The following STAT5B variants were observed in gnomAD, a reference collection of about 807,000 sequenced individuals.
STAT5B encodes transcription factor STAT5B.
Under a neutral mutation model 107.8 loss-of-function variants are expected in STAT5B, and 21 were observed. That is an observed-to-expected ratio of 0.19 (90% CI 0.14 to 0.28). STAT5B has a LOEUF of 0.28. STAT5B is among the 10% of genes least tolerant of loss of function. The pLI, the probability that STAT5B is intolerant of heterozygous loss-of-function variation, is 1.00. For synonymous variants in STAT5B, 325 were observed against 401.7 expected (o/e 0.81, Z 2.28); for missense variants, 565 against 1,008.2 (o/e 0.56, Z 5.95).
intron 1 of STAT5B, among the ~76,000 whole-genome samples, chr17:42,261,425 C>G (rs1435817563): frequency 6.6e-6 from 1 of 152,130 alleles, no homozygotes; most frequent in Non-Finnish European, 1.5e-5. Context: ...TTTAAAAGCA[C>G]TAAAAAGTAC....
chr17:42,218,119 T>C (rs1265276154), intron 9 of STAT5B, 32 bp downstream of exon 9: 7 of 1,607,698 alleles, frequency 4.4e-6, no homozygotes, highest in Non-Finnish European at 4.2e-6. Context: ...ATGAGACAAG[T>C]AGCAGGGAAT....
intron 5 of STAT5B, among the ~76,000 whole-genome samples, chr17:42,220,497 T>G (rs2080215942): frequency 6.6e-6 from 1 of 152,130 alleles, no homozygotes; most frequent in African/African-American, 2.4e-5. Context: ...CGGCTCTGTC[T>G]AGTCCCTGAG....
intron 1 of STAT5B, among the ~76,000 whole-genome samples, chr17:42,263,868 C>CGT (rs1175743947): frequency 1.1e-4 from 8 of 74,908 alleles, no homozygotes; most frequent in African/African-American, 3.5e-4. Context: ...TACTAGAAAG[C>CGT]GCGCACACAC....
intron 1 of STAT5B, among the ~76,000 whole-genome samples, chr17:42,237,002 CAG>C (rs1317787369): frequency 6.6e-6 from 1 of 152,180 alleles, no homozygotes; most frequent in Non-Finnish European, 1.5e-5. Flanking sequence ...TAAATCATCA[CAG>C]GGGATTCTCT....
At position 42,238,092 on chromosome 17, in the gene STAT5B, TTCTATCCATCCATCCATCCA is replaced by T. The variant is rs1406281653; in HGVS notation, c.-10-5975_-10-5956del. On this transcript the variant is annotated intron_variant, in intron 1 of 18. Transcript: ENST00000293328. The stretch of plus-strand genomic sequence containing the variant: ...AACCAATATCCTCCAGTATAAACTT[TTCTATCCATCCATCCATCCA>T]TCCATCCATCCATCCATCCATCCAT... 5.8e-3 allele frequency among the ~76,000 whole-genome samples: 816 copies of T among 140,226 alleles called. 3 individuals carry two copies. Among genetic ancestry groups the T allele is most frequent in the African/African-American group, 0.02 (766 of 38,350 alleles). 92.0% of individuals were successfully genotyped at this position (140,226 alleles called of 152,430 possible).
At chr17:42,217,754 TCTC>T (rs1013173163) in intron 9 of STAT5B, 2 of 469,390 alleles carry the variant, frequency 4.3e-6, no homozygotes, top group African/African-American at 4.0e-5. Context: ...AGTGGCGTGA[TCTC>T]AGCTCACTGC....
At chr17:42,241,110 G>A (rs775211162) in intron 1 of STAT5B, among the ~76,000 whole-genome samples, 4 of 151,786 alleles carry the variant, frequency 2.6e-5, no homozygotes, top group East Asian at 3.9e-4. Context: ...AGGCAGAGGC[G>A]GGCAGATCAC....
At chr17:42,270,655 C>T (rs1261458668) in intron 1 of STAT5B, 5 of 152,154 alleles carry the variant, frequency 3.3e-5, no homozygotes, top group South Asian at 2.1e-4. Flanking sequence ...CAAAAACCAA[C>T]GAGACTCCAT....
intron 16 of STAT5B, among the ~76,000 whole-genome samples, chr17:42,203,972 T>C (rs1386231460): frequency 6.6e-6 from 1 of 152,026 alleles, no homozygotes; most frequent in East Asian, 1.9e-4. Context: ...GTCAGGGATC[T>C]AATGGAAAGG....
At chr17:42,255,721 A>C (rs1410920990) in intron 1 of STAT5B, among the ~76,000 whole-genome samples, 1 of 152,204 alleles carries the variant, frequency 6.6e-6, no homozygotes, top group East Asian at 1.9e-4. Context: ...AGGATGAAAA[A>C]ATTCTGGAGA....
chr17:42,283,035 C>T, the STAT5B span, among the ~76,000 whole-genome samples: 1 of 152,188 alleles, frequency 6.6e-6, no homozygotes, highest in Non-Finnish European at 1.5e-5. Flanking sequence ...AAGGAACCCC[C>T]TCCAGTCATA....
At position 42,276,156 on chromosome 17, in the gene STAT5B, G is replaced by A. The variant is rs2080763389; in HGVS notation, c.-11+92C>T. The A allele has an allele frequency of 6.7e-6, 1 of 148,882 alleles. No individual in the cohort carries two copies. Among genetic ancestry groups the A allele is most frequent in the Admixed American group, 6.7e-5 (1 of 15,010 alleles). 9.2% of individuals were successfully genotyped at this position (148,882 alleles called of 1,614,324 possible). A position where few individuals can be genotyped will look rare whatever the true frequency, so the allele number is the denominator to read the frequency against. ...TGGCGGCGGCGCGGCCCTGACGGGC[G>A]GCTGAGCGGCTGGAGCGCGGGCCCC... is the stretch of plus-strand genomic sequence containing the variant. On this transcript the variant is annotated intron_variant, in intron 1 of 18. Coordinates refer to ENST00000293328, the MANE Select transcript of STAT5B (RefSeq NM_012448.4). This position sits in a 1 kb window ranked among gnomAD's most constrained non-coding sequence, Gnocchi z 4.8.
At chr17:42,239,407 T>C (rs2080384121) in intron 1 of STAT5B, among the ~76,000 whole-genome samples, 1 of 152,168 alleles carries the variant, frequency 6.6e-6, no homozygotes, top group Non-Finnish European at 1.5e-5. Flanking sequence ...AAACAACTAA[T>C]GAAATTTGAA....
rs556581450 is a variant in STAT5B at position 42,244,254 on chromosome 17, AT to A, written c.-10-12118del. 7.0e-3 allele frequency among the ~76,000 whole-genome samples: 926 copies of A among 132,028 alleles called. 1 individual carries two copies. Among genetic ancestry groups the A allele is most frequent in the African/African-American group, 0.011 (389 of 35,202 alleles). The allele number at this position is 132,028 out of a possible 152,430, so 86.6% of individuals were successfully genotyped here. ...AGGTGTGTGCCACCATGCCCGGCTA[AT>A]TTTTTTTTTTTTTTTTTTAGAGATG... is the stretch of plus-strand genomic sequence containing the variant. On this transcript the variant is annotated intron_variant, in intron 1 of 18. Transcript: ENST00000293328.
intron 1 of STAT5B, among the ~76,000 whole-genome samples, chr17:42,274,226 A>T (rs566092726): frequency 6.7e-6 from 1 of 149,890 alleles, no homozygotes; most frequent in African/African-American, 2.5e-5. Flanking sequence ...AAGTTATGCA[A>T]TAACCAAACT....
intron 1 of STAT5B, among the ~76,000 whole-genome samples, chr17:42,273,858 G>A (rs9907247): frequency 0.26 from 39,808 of 151,942 alleles, 5,456 homozygotes; most frequent in South Asian, 0.42. Context: ...GAAAAAACTC[G>A]ACTTAAGTAT....
upstream of STAT5B, among the ~76,000 whole-genome samples, chr17:42,279,022 G>C (rs759452465): frequency 4.7e-5 from 7 of 150,298 alleles, no homozygotes; most frequent in Admixed American, 1.3e-4. Flanking sequence ...TCATTATATT[G>C]CCTGGGCTGT....
intron 1 of STAT5B, chr17:42,271,012 T>TG (rs2080718508): frequency 2.6e-5 from 4 of 152,214 alleles, no homozygotes; most frequent in African/African-American, 7.2e-5. Context: ...ACTCTGGGTT[T>TG]TGAACATAAT....
chr17:42,207,174 G>T (rs2144209129), intron 16 of STAT5B, among the ~76,000 whole-genome samples: 1 of 152,016 alleles, frequency 6.6e-6, no homozygotes, highest in African/African-American at 2.4e-5. Context: ...TACCCAGCCT[G>T]TTTTCTTTTT....
Sources: allele counts gnomAD v4.1 joint callset (sites outside exome capture counted in the v4.1 genomes callset), GRCh38; gene constraint gnomAD v4.1.1; non-coding constraint Gnocchi (gnomAD v3.1); transcripts MANE v1.5; gene names NCBI Gene and HGNC (gene_info 2026-07-23, HGNC 2026-07-21).